The following ZFP90 variants were observed in gnomAD, a reference collection of about 807,000 sequenced individuals.
ZFP90 encodes the protein ZFP90 zinc finger protein, also known as zinc finger protein 90 homolog.
In ZFP90, 38 loss-of-function variants were observed where a neutral mutation model predicts 60.8. That is an observed-to-expected ratio of 0.62 (90% CI 0.48 to 0.82). The LOEUF (loss-of-function observed/expected upper bound fraction) is 0.82, where lower values mean the gene tolerates loss of function less well. ZFP90 is among the 40% of genes least tolerant of loss of function. The pLI, the probability that ZFP90 is intolerant of heterozygous loss-of-function variation, is 0.00. For synonymous variants in ZFP90, 287 were observed against 264.8 expected, an observed-to-expected ratio of 1.08 and a Z score of -0.82; for missense variants, 711 against 759.1, an observed-to-expected ratio of 0.94 and a Z score of 0.74.
upstream of ZFP90, among the ~76,000 whole-genome samples, chr16:68,536,451 G>GC (rs1256028637): frequency 6.6e-6 from 1 of 151,880 alleles, no homozygotes; most frequent in Non-Finnish European, 1.5e-5. Context: ...GGGACTACCG[G>GC]CATGCCACCA....
At chr16:68,568,170 G>C (rs1285961406), downstream of ZFP90, among the ~76,000 whole-genome samples, 3 of 152,204 alleles carry the variant, frequency 2.0e-5, no homozygotes, top group Non-Finnish European at 4.4e-5. Context: ...AGGAAGGCAA[G>C]AGTCCATGTC....
chr16:68,554,061 T>G (rs1357447653), intron 2 of ZFP90, among the ~76,000 whole-genome samples: 1 of 151,134 alleles, frequency 6.6e-6, no homozygotes, highest in Non-Finnish European at 1.5e-5. Flanking sequence ...CGAACTAGGG[T>G]GAGGGTGACA....
At position 68,566,514 on chromosome 16, in the gene ZFP90, T is replaced by A. The variant is rs2091530515; in HGVS notation, c.*1816T>A. On this transcript the variant is annotated 3_prime_UTR_variant, in exon 5 of 5. Transcript: ENST00000563169. ...TTCTTCATTCTTTGCAGGGAAAAAA[T>A]TGTGCATGGGGGCTGAAATGTAATA... The A allele has an allele frequency of 1.0e-5, 10 of 985,458 alleles. No homozygotes were observed. Among genetic ancestry groups the A allele is most frequent in the Non-Finnish European group, 1.2e-5 (10 of 829,926 alleles). 61.0% of individuals were successfully genotyped at this position (985,458 alleles called of 1,614,324 possible). A position where few individuals can be genotyped will look rare whatever the true frequency, so the allele number is the denominator to read the frequency against.
At chr16:68,544,095 C>G (rs541065512) in intron 2 of ZFP90, among the ~76,000 whole-genome samples, 16 of 152,252 alleles carry the variant, frequency 1.1e-4, no homozygotes, top group Admixed American at 4.6e-4. Flanking sequence ...CTCAAGTGAT[C>G]CACCCACCTT....
At chr16:68,534,464 G>A (rs1048238347), upstream of ZFP90, among the ~76,000 whole-genome samples, 5 of 150,344 alleles carry the variant, frequency 3.3e-5, no homozygotes, top group Admixed American at 6.6e-5. Context: ...TCCTAACCTT[G>A]TGATCCACCT....
At chr16:68,558,410 C>G in intron 3 of ZFP90, 63 bp from the exon 4 acceptor site, 1 of 1,486,000 alleles carries the variant, frequency 6.7e-7, no homozygotes, top group Non-Finnish European at 9.4e-7. Flanking sequence ...CTGACTTGTC[C>G]TTAGGAGGGT....
At position 68,558,549 on chromosome 16, in the gene ZFP90, C is replaced by G. The variant is rs768248008; in HGVS notation, c.237C>G (p.Ile79Met). 1 of 1,613,828 alleles carries G rather than the reference C, an allele frequency of 6.2e-7. No homozygotes were observed. Reference protein sequence around the residue: ...GEEPWISEGEIQRPFYPDWKT... With the variant: ...GEEPWISEGEMQRPFYPDWKT... ...AGCCATGGATATCAGAGGGAGAAATCCAACGACCTTTCTATCCAGGTAAAT... is the reference window on the plus strand; with the variant it reads ...AGCCATGGATATCAGAGGGAGAAATGCAACGACCTTTCTATCCAGGTAAAT... Residue 79 changes from isoleucine to methionine, a missense_variant, in exon 4 of 5, where the codon ATC (isoleucine) becomes ATG (methionine). By Grantham distance (10) the Ile-to-Met change is conservative (BLOSUM62 1). Around this residue, in one of 5 missense-constraint regions of ZFP90, gnomAD observed 241 missense variants for 247.6 expected, o/e 0.97. Transcript: ENST00000563169.
At chr16:68,548,528 T>A (rs1368751584) in intron 2 of ZFP90, among the ~76,000 whole-genome samples, 1 of 130,432 alleles carries the variant, frequency 7.7e-6, no homozygotes, top group East Asian at 2.5e-4. Flanking sequence ...TTCGCTCTTA[T>A]TGCCCAGGCT....
chr16:68,554,138 T>C (rs566957994), intron 2 of ZFP90, among the ~76,000 whole-genome samples: 2 of 151,096 alleles, frequency 1.3e-5, no homozygotes, highest in South Asian at 4.2e-4. Flanking sequence ...TTTTTTTTTT[T>C]TGAGATGGAG....
chr16:68,558,105 T>C lies in ZFP90; in HGVS notation c.141T>C (p.Tyr47=). The change falls in exon 3 of 5, where the codon TAT becomes TAC. Residue 47 remains tyrosine (Y), a synonymous_variant. Coordinates refer to ENST00000563169, the MANE Select transcript of ZFP90 (RefSeq NM_001305203.2). ...ACAGGGATGTGATGCTGGAGAACTA[T>C]AGCCACCTGGTTTCTCTTGGTAAGG... ...SLYRDVMLEN[Y]SHLVSLGYQV... The C allele has an allele frequency of 6.2e-7, 1 of 1,613,840 alleles. No homozygotes were observed. Among genetic ancestry groups the C allele is most frequent in the South Asian group, 1.1e-5 (1 of 91,050 alleles).
chr16:68,552,771 G>T (rs764999853), intron 2 of ZFP90, among the ~76,000 whole-genome samples: 2 of 152,082 alleles, frequency 1.3e-5, no homozygotes, highest in Non-Finnish European at 2.9e-5. Context: ...TTAAATATTT[G>T]TGGATGAGGC....
At chr16:68,548,963 A>C (rs2091205268) in intron 2 of ZFP90, among the ~76,000 whole-genome samples, 1 of 151,584 alleles carries the variant, frequency 6.6e-6, no homozygotes, top group African/African-American at 2.4e-5. Context: ...TCACTAACCC[A>C]TGTGTTTTTT....
rs1470534627 is a variant in ZFP90 at position 68,563,368 on chromosome 16, A to G, written c.581A>G (p.His194Arg). 1 of 1,614,202 alleles carries G rather than the reference A, an allele frequency of 6.2e-7. No individual in the cohort carries two copies. Among genetic ancestry groups the G allele is most frequent in the South Asian group, 1.1e-5 (1 of 91,078 alleles). The part of the protein sequence containing the change: ...ECETLGSNLG[H>R]NADLLNENNI... ...GAGACCCTTGGAAGCAATTTGGGAC[A>G]TAATGCAGACTTACTTAATGAGAAT... The change falls in exon 5 of 5, where the codon CAT becomes CGT. Residue 194 changes from histidine (H) to arginine (R), a missense_variant. His to Arg is a conservative substitution (Grantham distance 29). This residue lies in a region of ZFP90 where 241 missense variants were observed against 247.6 expected (regional missense o/e 0.97). Coordinates refer to ENST00000563169, the MANE Select transcript of ZFP90 (RefSeq NM_001305203.2).
intron 4 of ZFP90, chr16:68,562,099 T>C (rs1172202704): frequency 6.6e-6 from 1 of 152,236 alleles, no homozygotes; most frequent in Non-Finnish European, 1.5e-5. Context: ...ATAATTACAT[T>C]TCACCCCTAC....
At chr16:68,538,865 A>G (rs2090983447), upstream of ZFP90, among the ~76,000 whole-genome samples, 1 of 152,158 alleles carries the variant, frequency 6.6e-6, no homozygotes, top group Middle Eastern at 3.2e-3. Flanking sequence ...CTCTAAAATG[A>G]GAAATGGAAA....
In ZFP90 at chr16:68,564,273, C is replaced by G; in HGVS notation, c.1486C>G (p.Pro496Ala). ...AGCTATTTCTCATCCTGGAGAGAAACCCTATCAATGTAATGTATGTGGGAA... is the reference window on the plus strand; with the variant it reads ...AGCTATTTCTCATCCTGGAGAGAAAGCCTATCAATGTAATGTATGTGGGAA... ...QQAISHPGEK[P>A]YQCNVCGKAF... Residue 496 changes from proline to alanine, a missense_variant, in exon 5 of 5, where the codon CCC (proline) becomes GCC (alanine). Coordinates refer to ENST00000563169, the MANE Select transcript of ZFP90 (RefSeq NM_001305203.2). 1.2e-6 allele frequency: 2 copies of G among 1,614,074 alleles called. No individual in the cohort carries two copies. The highest frequency in any genetic ancestry group is 3.3e-4 in the Middle Eastern group (2 of 6,062).
upstream of ZFP90, among the ~76,000 whole-genome samples, chr16:68,534,823 T>C (rs543452670): frequency 6.6e-6 from 1 of 151,908 alleles, no homozygotes; most frequent in Admixed American, 6.6e-5. Context: ...AGGAGAATGG[T>C]GTGAACCTGG....
chr16:68,575,429 G>A (rs1393111986), intron 2 of ZFP90, among the ~76,000 whole-genome samples: 1 of 149,932 alleles, frequency 6.7e-6, no homozygotes, highest in Non-Finnish European at 1.5e-5. Flanking sequence ...GAGAGGGGAT[G>A]TAAGGGTGGT....
intron 2 of ZFP90, among the ~76,000 whole-genome samples, chr16:68,543,464 G>A (rs1403473264): frequency 6.6e-6 from 1 of 152,070 alleles, no homozygotes; most frequent in Non-Finnish European, 1.5e-5. Context: ...GGAGGAGCCG[G>A]GATACCCATT....
Sources: allele counts gnomAD v4.1 joint callset (sites outside exome capture counted in the v4.1 genomes callset), GRCh38; gene constraint gnomAD v4.1.1; regional missense constraint gnomAD v4.1.1; transcripts MANE v1.5; gene names NCBI Gene and HGNC (gene_info 2026-07-23, HGNC 2026-07-21).